Variants in DYNC2H1 observed in about 807,000 individuals in gnomAD.
DYNC2H1 encodes the protein cytoplasmic dynein 2 heavy chain 1.
Under a neutral mutation model 570.0 loss-of-function variants are expected in DYNC2H1, and 410 were observed. The ratio of observed to expected loss-of-function variants is 0.72; its 90% CI spans 0.66 to 0.78. DYNC2H1 has a LOEUF of 0.78. Ranked by LOEUF, DYNC2H1 falls within the 30% of genes least tolerant of loss-of-function variation. The pLI, the probability that DYNC2H1 is intolerant of heterozygous loss-of-function variation, is 0.00. For missense variants in DYNC2H1, 4,865 were observed against 5,046.4 expected, an observed-to-expected ratio of 0.96 and a Z score of 1.09; for synonymous variants, 1,688 against 1,677.6, an observed-to-expected ratio of 1.01 and a Z score of -0.15.
intron 62 of DYNC2H1, 64 bp from the exon 63 acceptor site, chr11:103,236,366 A>G (rs1424196554): frequency 3.0e-6 from 3 of 1,004,342 alleles, no homozygotes; most frequent in East Asian, 2.4e-5. Context: ...AAATAGCTTT[A>G]TTTCCTTCCC....
chr11:103,233,379 A>G (rs150676128), intron 60 of DYNC2H1, among the ~76,000 whole-genome samples: 69 of 152,086 alleles, frequency 4.5e-4, no homozygotes, highest in Admixed American at 1.3e-3. Flanking sequence ...AATCATGTCA[A>G]ATATTACTAT....
rs1175440055 is a variant in DYNC2H1 at position 103,307,807 on chromosome 11, G to C, written c.11469G>C (p.Gln3823His). Residue 3823 changes from glutamine to histidine, a missense_variant, in exon 78 of 89, where the codon CAG (glutamine) becomes CAC (histidine). Transcript: ENST00000375735. ...VHPNFTPILL[Q>H]SSLKITYESP... ...CCAACTTTACTCCTATTTTACTACA[G>C]TCAAGTCTGAAGATAACATATGAGG... 5.6e-6 allele frequency: 9 copies of C among 1,599,256 alleles called. No homozygotes were observed. The highest frequency in any genetic ancestry group is 7.7e-6 in the Non-Finnish European group (9 of 1,171,274).
chr11:103,395,906 C>G lies in DYNC2H1; in HGVS notation c.12157-3757C>G, dbSNP rs1440139904. ...TACTTGAGGGCAAAGGTAGAATTTC[C>G]ATTACATAGAAGTGAAGGTATTTTT... On this transcript the variant is annotated intron_variant, in intron 83 of 88. Coordinates refer to ENST00000375735, the MANE Select transcript of DYNC2H1 (RefSeq NM_001377.3). The surrounding 1 kb of genome is among the most constrained non-coding windows in gnomAD (Gnocchi z 4.3). Among the ~76,000 whole-genome samples, 2 of 152,126 alleles carry G rather than the reference C, an allele frequency of 1.3e-5. No individual in the cohort carries two copies. The highest frequency in any genetic ancestry group is 4.8e-5 in the African/African-American group (2 of 41,440).
At chr11:103,316,807 T>C (rs1937872262) in intron 80 of DYNC2H1, among the ~76,000 whole-genome samples, 187 bp downstream of exon 80, 1 of 151,984 alleles carries the variant, frequency 6.6e-6, no homozygotes, top group East Asian at 1.9e-4. Context: ...TGTTTTTACA[T>C]GGATTCTTCT....
intron 84 of DYNC2H1, among the ~76,000 whole-genome samples, chr11:103,428,847 G>A (rs1037092789): frequency 2.0e-5 from 3 of 151,950 alleles, no homozygotes; most frequent in African/African-American, 7.3e-5. Context: ...ATATTCCATT[G>A]TATGTATATG....
chr11:103,475,228 C>T (rs1307495704), intron 88 of DYNC2H1, among the ~76,000 whole-genome samples: 1 of 152,086 alleles, frequency 6.6e-6, no homozygotes. Context: ...TTTTGAATTA[C>T]TGTAATTGCA....
intron 83 of DYNC2H1, among the ~76,000 whole-genome samples, chr11:103,396,998 A>G (rs1942426568): frequency 6.6e-6 from 1 of 152,178 alleles, no homozygotes; most frequent in Admixed American, 6.5e-5. Context: ...TAAGGGTTGA[A>G]AAAATACCTA....
rs966889121 is a variant in DYNC2H1 at position 103,241,713 on chromosome 11, G to A, written c.9820-1980G>A. Among the ~76,000 whole-genome samples, 35 of 152,076 alleles carry A rather than the reference G, an allele frequency of 2.3e-4. No homozygotes were observed. Among genetic ancestry groups the A allele is most frequent in the African/African-American group, 6.8e-4 (28 of 41,420 alleles). On this transcript the variant is annotated intron_variant, in intron 63 of 88. Transcript: ENST00000375735. The surrounding 1 kb of genome is among the most constrained non-coding windows in gnomAD (Gnocchi z 5.1). ...TTTACTAACCACATCATTGTGCTTC[G>A]AGTAGTACATTTACGTGATGGAGCA...
chr11:103,248,920 T>C (rs1234206169), intron 65 of DYNC2H1, among the ~76,000 whole-genome samples: 2 of 152,012 alleles, frequency 1.3e-5, no homozygotes, highest in African/African-American at 4.8e-5. Context: ...CCAAGCCTTA[T>C]GTTGGTTCAG....
Position 103,447,260 on chromosome 11 carries a change from T to C in DYNC2H1, c.12457-7926T>C, listed in dbSNP as rs142383389. On this transcript the variant is annotated intron_variant, in intron 85 of 88. Coordinates refer to ENST00000375735, the MANE Select transcript of DYNC2H1 (RefSeq NM_001377.3). ...TCTATGGATGGAAACTCCAGTACTC[T>C]AATAGGTGGCTATATTAAGGATGGG... 1.6e-3 allele frequency among the ~76,000 whole-genome samples: 243 copies of C among 152,312 alleles called. 3 individuals carry two copies. Among genetic ancestry groups the C allele is most frequent in the Admixed American group, 2.0e-3 (31 of 15,300 alleles).
chr11:103,460,032 TTTG>T (rs1944958590), intron 87 of DYNC2H1, among the ~76,000 whole-genome samples: 1 of 152,036 alleles, frequency 6.6e-6, no homozygotes, highest in Non-Finnish European at 1.5e-5. Flanking sequence ...GTCGTTTTGT[TTTG>T]TTGAGATGGG....
At chr11:103,470,793 A>G (rs576193251) in intron 88 of DYNC2H1, among the ~76,000 whole-genome samples, 13 of 152,206 alleles carry the variant, frequency 8.5e-5, no homozygotes, top group African/African-American at 2.9e-4. Flanking sequence ...TATGTGCCAC[A>G]TTTTCTTAAT....
At chr11:103,391,786 T>TCAG (rs1304766806) in intron 83 of DYNC2H1, among the ~76,000 whole-genome samples, 2 of 152,188 alleles carry the variant, frequency 1.3e-5, no homozygotes, top group Non-Finnish European at 2.9e-5. Flanking sequence ...TGCCTGGGTA[T>TCAG]CAGCAGCAGA....
intron 5 of DYNC2H1, 40 bp from the exon 6 acceptor site, chr11:103,117,591 C>T: frequency 1.4e-6 from 2 of 1,401,566 alleles, no homozygotes; most frequent in Admixed American, 2.5e-5. Flanking sequence ...TATAAAAATA[C>T]ATTTATTTCC....
At position 103,121,221 on chromosome 11, in the gene DYNC2H1, T is replaced by C. The variant is rs1858689695; in HGVS notation, c.1361-151T>C. On this transcript the variant is annotated intron_variant, in intron 9 of 88. Coordinates refer to ENST00000375735, the MANE Select transcript of DYNC2H1 (RefSeq NM_001377.3). ...ATTAACAAGTTATTATAATTCGCTG[T>C]TTCATTTGATACATGGTACAGTCCT... 4 of 997,204 alleles carry C rather than the reference T, an allele frequency of 4.0e-6. No homozygotes were observed. The Admixed American group carries it at 9.9e-5, about 25-fold the overall frequency. The allele number at this position is 997,204 out of a possible 1,614,324, so 61.8% of individuals were successfully genotyped here. A position where few individuals can be genotyped will look rare whatever the true frequency, so the allele number is the denominator to read the frequency against.
At chr11:103,316,861 G>A (rs1322537651) in intron 80 of DYNC2H1, among the ~76,000 whole-genome samples, 1 of 151,952 alleles carries the variant, frequency 6.6e-6, no homozygotes, top group Non-Finnish European at 1.5e-5. Flanking sequence ...TCACTTTGTG[G>A]CTTTCAAAAG....
intron 85 of DYNC2H1, among the ~76,000 whole-genome samples, chr11:103,450,656 C>T (rs1944567598): frequency 6.6e-6 from 1 of 152,104 alleles, no homozygotes; most frequent in African/African-American, 2.4e-5. Flanking sequence ...AAACACAATA[C>T]ATTAAAATGT....
In DYNC2H1 at chr11:103,304,649, G is replaced by A; in HGVS notation, c.11311G>A (p.Ala3771Thr). The A allele has an allele frequency of 1.2e-6, 2 of 1,613,364 alleles. No individual in the cohort carries two copies. Among genetic ancestry groups the A allele is most frequent in the Non-Finnish European group, 1.7e-6 (2 of 1,179,534 alleles). Residue 3771 changes from alanine (A) to threonine (T), a missense_variant, in exon 77 of 89, where the codon GCC becomes ACC. Ala to Thr is a moderately conservative substitution (Grantham distance 58). Transcript: ENST00000375735. ...AGCAATTCAAATGCTAAAAGAATGT[G>A]CCCGCAATGGAGACTGGCTCTGTTT... is the stretch of plus-strand genomic sequence containing the variant. ...DLAIQMLKEC[A>T]RNGDWLCLKN...
At position 103,180,279 on chromosome 11, in the gene DYNC2H1, C is replaced by T. The variant is rs145060281; in HGVS notation, c.6347+1046C>T. On this transcript the variant is annotated intron_variant, in intron 39 of 88. Coordinates refer to ENST00000375735, the MANE Select transcript of DYNC2H1 (RefSeq NM_001377.3). Reference sequence around the variant, plus strand: ...ATATTATATATATGGTATTAAATTACGCACCTGAGGAGAGAGAGAGCTAGA... The same window carrying T: ...ATATTATATATATGGTATTAAATTATGCACCTGAGGAGAGAGAGAGCTAGA... Among the ~76,000 whole-genome samples the T allele has an allele frequency of 1.1e-3, 165 of 151,502 alleles. 3 individuals are homozygous for T. Among genetic ancestry groups the T allele is most frequent in the African/African-American group, 3.7e-3 (152 of 41,446 alleles).
Sources: allele counts gnomAD v4.1 joint callset (sites outside exome capture counted in the v4.1 genomes callset), GRCh38; gene constraint gnomAD v4.1.1; non-coding constraint Gnocchi (gnomAD v3.1); transcripts MANE v1.5; gene names NCBI Gene and HGNC (gene_info 2026-07-23, HGNC 2026-07-21).